Variants in GPR135 observed in about 807,000 individuals in gnomAD.
GPR135 encodes the protein G protein-coupled receptor 135.
In GPR135, 17 loss-of-function variants were observed where a neutral mutation model predicts 15.0. The observed-to-expected ratio is 1.13, with a 90% CI of 0.78 to 1.70. GPR135 has a LOEUF of 1.70. Among genes scored for constraint, GPR135 ranks in the 40% most tolerant of loss-of-function variants. The pLI is 0.00. For missense variants in GPR135, 776 were observed against 727.0 expected (o/e 1.07, Z -0.78); for synonymous variants, 368 against 349.4 (o/e 1.05, Z -0.59).
chr14:59,464,878 A>G lies in GPR135; in HGVS notation c.349T>C (p.Ser117Pro). ...ALVLLLIFLL[S>P]SLGNCAVMGV... ...ATCACCGCGCAGTTGCCAAGGCTAG[A>G]CAGCAGGAAGATGAGCAGGAGGACG... The change falls in exon 1 of 1, where the codon TCT becomes CCT. Residue 117 changes from serine to proline, a missense_variant. Coordinates refer to ENST00000395116, the MANE Select transcript of GPR135 (RefSeq NM_022571.6). 1 of 1,606,508 alleles carries G rather than the reference A, an allele frequency of 6.2e-7. No individual in the cohort carries two copies. The highest frequency in any genetic ancestry group is 8.5e-7 in the Non-Finnish European group (1 of 1,177,126).
rs1888986418 is a variant in GPR135, at chr14:59,464,109, A to G, written c.1118T>C (p.Val373Ala). The part of the protein sequence containing the change: ...QAPSLLSVVA[V>A]WLTWANGAIN... ...GGCCCCATTGGCCCAGGTCAGCCAG[A>G]CGGCCACCACGCTGAGGAGCGAGGG... The change falls in exon 1 of 1, where the codon GTC (valine) becomes GCC (alanine). Residue 373 changes from valine to alanine, a missense_variant. Physicochemically the swap from Val to Ala is moderately conservative, Grantham distance 64 (BLOSUM62 0). Transcript: ENST00000395116. 1 of 1,611,414 alleles carries G rather than the reference A, an allele frequency of 6.2e-7. No individual in the cohort carries two copies. The highest frequency in any genetic ancestry group is 8.5e-7 in the Non-Finnish European group (1 of 1,179,960).
rs1168819411 is a variant in GPR135 at position 59,464,385 on chromosome 14, A to T, written c.842T>A (p.Leu281Gln). ...GGGCAGCAGGTAGCAGGCCACCACC[A>T]GCCCCACGCTGAAGGCCGCGCCCAG... ...AQLGAAFSVGLVVACYLLPFL... is the reference protein window; with the variant it reads ...AQLGAAFSVGQVVACYLLPFL... The change falls in exon 1 of 1, where the codon CTG becomes CAG. Residue 281 changes from leucine (L) to glutamine (Q), a missense_variant. Transcript: ENST00000395116. The T allele has an allele frequency of 6.2e-7, 1 of 1,604,860 alleles. No individual in the cohort carries two copies. Among genetic ancestry groups the T allele is most frequent in the Non-Finnish European group, 8.5e-7 (1 of 1,176,472 alleles).
chr14:59,459,825 T>A (rs1175783090), downstream of GPR135, among the ~76,000 whole-genome samples: 1 of 152,112 alleles, frequency 6.6e-6, no homozygotes, highest in African/African-American at 2.4e-5. Context: ...ATGGCAGGGA[T>A]ATGGTTCAGT....
Position 59,464,447 on chromosome 14 carries a change from G to C in GPR135, c.780C>G (p.His260Gln). The change falls in exon 1 of 1, where the codon CAC becomes CAG. Residue 260 changes from histidine to glutamine, a missense_variant. Physicochemically the swap from His to Gln is conservative, Grantham distance 24. Transcript: ENST00000395116. ...PRELAAAQSF[H>Q]GCLYRTSPDP... ...CCGGGGAGGTCCGGTAGAGGCAGCC[G>C]TGGAAGCTCTGCGCCGCCGCGAGTT... 2 of 1,562,110 alleles carry C rather than the reference G, an allele frequency of 1.3e-6. No individual in the cohort carries two copies. The highest frequency in any genetic ancestry group is 1.2e-5 in the South Asian group (1 of 86,302).
In GPR135 at chr14:59,464,520, G is replaced by C. The variant is rs1363866298; in HGVS notation, c.707C>G (p.Thr236Arg). ...ALQLLAGAWL[T>R]ALGFSLPWEL... The stretch of plus-strand genomic sequence containing the variant: ...CCAGGGCAAGGAGAAGCCCAGGGCC[G>C]TCAGCCAGGCGCCCGCCAGCAGCTG... The change falls in exon 1 of 1, where the codon ACG (threonine) becomes AGG (arginine). Residue 236 changes from threonine to arginine, a missense_variant. Coordinates refer to ENST00000395116, the MANE Select transcript of GPR135 (RefSeq NM_022571.6). The C allele has an allele frequency of 6.5e-7, 1 of 1,538,150 alleles. No individual in the cohort carries two copies. Among genetic ancestry groups the C allele is most frequent in the Admixed American group, 2.0e-5 (1 of 49,080 alleles).
At position 59,464,664 on chromosome 14, in the gene GPR135, C is replaced by G; in HGVS notation, c.563G>C (p.Arg188Pro). The G allele has an allele frequency of 8.8e-6, 14 of 1,589,714 alleles. No individual in the cohort carries two copies. The highest frequency in any genetic ancestry group is 1.2e-5 in the Non-Finnish European group (14 of 1,174,010). ...GATGCCGAAGCACGAGCTGAAGAAG[C>G]GGCTGGCGGCGCAGAAGCCGCGCCA... ...GPWRGFCAAS[R>P]FFSSCFGIVS... Residue 188 changes from arginine to proline, a missense_variant, in exon 1 of 1, where the codon CGC (arginine) becomes CCC (proline). Arg to Pro is a moderately radical substitution (Grantham distance 103). Coordinates refer to ENST00000395116, the MANE Select transcript of GPR135 (RefSeq NM_022571.6).
Position 59,465,242 on chromosome 14 carries a change from C to T in GPR135, c.-16G>A. The T allele has an allele frequency of 2.4e-6, 3 of 1,230,204 alleles. No individual in the cohort carries two copies. The highest frequency in any genetic ancestry group is 3.0e-6 in the Non-Finnish European group (3 of 986,844). The allele number at this position is 1,230,204 out of a possible 1,614,324, so 76.2% of individuals were successfully genotyped here. A position where few individuals can be genotyped will look rare whatever the true frequency, so the allele number is the denominator to read the frequency against. On this transcript the variant is annotated 5_prime_UTR_variant, in exon 1 of 1. Transcript: ENST00000395116. ...GCTCCTCCATGGGGCCCAGTGGCGG[C>T]CGCGGATCTCCTCATCCCGCACCGG...
downstream of GPR135, among the ~76,000 whole-genome samples, chr14:59,459,760 G>A (rs888901689): frequency 6.6e-6 from 1 of 152,202 alleles, no homozygotes; most frequent in African/African-American, 2.4e-5. Context: ...AGAAAAGGAG[G>A]GAAGAATGGG....
downstream of GPR135, among the ~76,000 whole-genome samples, chr14:59,459,624 T>C (rs1324299321): frequency 6.6e-6 from 1 of 152,198 alleles, no homozygotes; most frequent in Admixed American, 6.5e-5. Flanking sequence ...GAGTAAGATG[T>C]TGAGTTGCAG....
At chr14:59,459,454 C>G (rs1263252598), downstream of GPR135, among the ~76,000 whole-genome samples, 1 of 152,136 alleles carries the variant, frequency 6.6e-6, no homozygotes, top group African/African-American at 2.4e-5. Context: ...GAGATAATTA[C>G]TCAGCAAGCC....
At chr14:59,460,676 GA>G (rs1383280933), downstream of GPR135, 1 of 152,200 alleles carries the variant, frequency 6.6e-6, no homozygotes, top group African/African-American at 2.4e-5. Context: ...CTACTATACA[GA>G]GTATTACTTG....
chr14:59,464,810 G>A lies in GPR135; in HGVS notation c.417C>T (p.Asn139=), dbSNP rs1334472632. The A allele has an allele frequency of 1.3e-6, 2 of 1,582,142 alleles. No individual in the cohort carries two copies. Among genetic ancestry groups the A allele is most frequent in the Admixed American group, 1.8e-5 (1 of 55,172 alleles). ...ATAGGGACAGCGACAGGATGAAGGC[G>A]TTGGTGACGGTGCGGAGCTGCCGGT... The part of the protein sequence containing the change: ...VKHRQLRTVT[N]AFILSLSLSD... Residue 139 remains asparagine, a synonymous_variant, in exon 1 of 1, where the codon AAC becomes AAT. Transcript: ENST00000395116.
Position 59,464,505 on chromosome 14 carries a change from G to T in GPR135, c.722C>A (p.Ser241Tyr). The change falls in exon 1 of 1, where the codon TCC becomes TAC. Residue 241 changes from serine to tyrosine, a missense_variant. Coordinates refer to ENST00000395116, the MANE Select transcript of GPR135 (RefSeq NM_022571.6). ...CGCCCCGAGCAGCTCCCAGGGCAAGGAGAAGCCCAGGGCCGTCAGCCAGGC... is the reference window on the plus strand; with the variant it reads ...CGCCCCGAGCAGCTCCCAGGGCAAGTAGAAGCCCAGGGCCGTCAGCCAGGC... ...AGAWLTALGF[S>Y]LPWELLGAPR... 2 of 1,543,616 alleles carry T rather than the reference G, an allele frequency of 1.3e-6. No individual in the cohort carries two copies. The highest frequency in any genetic ancestry group is 1.4e-5 in the African/African-American group (1 of 73,546).
rs1233023954 is a variant in GPR135, at chr14:59,464,818, C to T, written c.409G>A (p.Val137Ile). The change falls in exon 1 of 1, where the codon GTC becomes ATC. Residue 137 changes from valine to isoleucine, a missense_variant. By Grantham distance (29) the Val-to-Ile change is conservative (BLOSUM62 3). Coordinates refer to ENST00000395116, the MANE Select transcript of GPR135 (RefSeq NM_022571.6). ...VIVKHRQLRT[V>I]TNAFILSLSL... ...AGCGACAGGATGAAGGCGTTGGTGA[C>T]GGTGCGGAGCTGCCGGTGCTTCACA... The T allele has an allele frequency of 1.9e-6, 3 of 1,584,262 alleles. No individual in the cohort carries two copies. The East Asian group carries it at 6.9e-5, about 37-fold the overall frequency.
Position 59,465,089 on chromosome 14 carries a change from G to C in GPR135, c.138C>G (p.Thr46=), listed in dbSNP as rs909947769. 8.7e-6 allele frequency: 12 copies of C among 1,374,910 alleles called. No homozygotes were observed. In the Admixed American group the frequency reaches 1.2e-4, roughly 14 times the overall value. 85.2% of individuals were successfully genotyped at this position (1,374,910 alleles called of 1,614,324 possible). A position where few individuals can be genotyped will look rare whatever the true frequency, so the allele number is the denominator to read the frequency against. ...AATAAVLSFS[T]VATAALGNLS... is the part of the protein sequence containing the mutation. ...GGTTCCCCAGCGCCGCGGTCGCCAC[G>C]GTGCTGAAGGAGAGCACGGCCGCCG... The change falls in exon 1 of 1, where the codon ACC becomes ACG. Residue 46 remains threonine (T), a synonymous_variant. Transcript: ENST00000395116.
At chr14:59,457,786 AGTTT>A (rs1888710559), downstream of GPR135, among the ~76,000 whole-genome samples, 1 of 152,134 alleles carries the variant, frequency 6.6e-6, no homozygotes, top group Admixed American at 6.5e-5. Context: ...TACTTTAAAG[AGTTT>A]GTTAAATTTG....
chr14:59,463,056 T>C lies in GPR135; in HGVS notation c.*686A>G, dbSNP rs1279312922. On this transcript the variant is annotated 3_prime_UTR_variant, in exon 1 of 1. Transcript: ENST00000395116. ...TGGAAGGAATGTTAATTTTTACATA[T>C]AATCTTGGAAAACATTTAAAAGACA... 6.6e-6 allele frequency: 1 copy of C among 152,240 alleles called. No homozygotes were observed. The highest frequency in any genetic ancestry group is 1.5e-5 in the Non-Finnish European group (1 of 68,034). 9.4% of individuals were successfully genotyped at this position (152,240 alleles called of 1,614,324 possible).
At chr14:59,460,054 G>A (rs1888802177), downstream of GPR135, among the ~76,000 whole-genome samples, 1 of 152,180 alleles carries the variant, frequency 6.6e-6, no homozygotes, top group Admixed American at 6.5e-5. Context: ...AGAGGTTAGG[G>A]TTGGTTAAAT....
chr14:59,456,438 C>T (rs186311980), downstream of GPR135: 3 of 152,262 alleles, frequency 2.0e-5, no homozygotes, highest in Admixed American at 6.5e-5. Flanking sequence ...CATGACTTAC[C>T]ATTGGTTGTA....
Sources: allele counts gnomAD v4.1 joint callset (sites outside exome capture counted in the v4.1 genomes callset), GRCh38; gene constraint gnomAD v4.1.1; transcripts MANE v1.5; gene names NCBI Gene and HGNC (gene_info 2026-07-23, HGNC 2026-07-21).